Variants in MRE11 observed in about 807,000 individuals in gnomAD.
The protein encoded by MRE11 is double-strand break repair protein MRE11.
A neutral mutation model predicts 91.7 loss-of-function variants in MRE11; 62 were observed. That is an observed-to-expected ratio of 0.68 (90% CI 0.55 to 0.84). The LOEUF (loss-of-function observed/expected upper bound fraction) is 0.84. Ranked by LOEUF, MRE11 falls within the 40% of genes least tolerant of loss-of-function variation. MRE11 has a pLI of 0.00. For synonymous variants in MRE11, 273 were observed against 271.4 expected (o/e 1.01, Z -0.06); for missense variants, 796 against 852.9 (o/e 0.93, Z 0.83).
At chr11:94,440,715 A>G (rs1945757777) in intron 16 of MRE11, among the ~76,000 whole-genome samples, 1 of 152,256 alleles carries the variant, frequency 6.6e-6, no homozygotes, top group South Asian at 2.1e-4. Flanking sequence ...ACAGGATTTC[A>G]TAAGCATGTA....
intron 18 of MRE11, among the ~76,000 whole-genome samples, chr11:94,435,512 C>G (rs1201087641): frequency 6.6e-6 from 1 of 152,044 alleles, no homozygotes; most frequent in East Asian, 1.9e-4. Context: ...GCCAAGATCG[C>G]ACTACTGCAC....
chr11:94,490,896 T>C lies in MRE11; in HGVS notation c.90A>G (p.Ala30=). The C allele has an allele frequency of 1.2e-6, 2 of 1,607,618 alleles. No individual in the cohort carries two copies. Among genetic ancestry groups the C allele is most frequent in the South Asian group, 2.2e-5 (2 of 90,964 alleles). Residue 30 remains alanine, a synonymous_variant, in exon 3 of 20, where the codon GCA becomes GCG. Transcript: ENST00000323929. ...TTACAAACGTATCATTTCCTCTGAC[T>C]GCATCTTTCTCCATAAATCCAAGAT... ...DIHLGFMEKD[A]VRGNDTFVTL...
At position 94,445,867 on chromosome 11, in the gene MRE11, G is replaced by C; in HGVS notation, c.1810C>G (p.Arg604Gly). The C allele has an allele frequency of 6.2e-7, 1 of 1,613,644 alleles. No individual in the cohort carries two copies. Among genetic ancestry groups the C allele is most frequent in the Middle Eastern group, 1.7e-4 (1 of 6,060 alleles). The change falls in exon 16 of 20, where the codon CGT becomes GGT. Residue 604 changes from arginine (R) to glycine (G), a missense_variant. By Grantham distance (125) the Arg-to-Gly change is moderately radical. Coordinates refer to ENST00000323929, the MANE Select transcript of MRE11 (RefSeq NM_005591.4). ...RADTGLETST[R>G]SRNSKTAVSA... ...ACAGCAGTCTTTGAGTTCCTGCTAC[G>C]GGTAGAAGTCTCCAGACCAGTGTCT...
chr11:94,499,715 C>T, the MRE11 span: 1 of 152,060 alleles, frequency 6.6e-6, no homozygotes, highest in Non-Finnish European at 1.5e-5. Flanking sequence ...CTATCTAGCC[C>T]CCCTGTGATT....
chr11:94,492,667 T>C, intron 2 of MRE11, 115 bp downstream of exon 2: 3 of 1,461,820 alleles, frequency 2.1e-6, no homozygotes. Flanking sequence ...ATATTTCTGT[T>C]CATAAACAGG....
intron 10 of MRE11, chr11:94,466,615 T>C (rs779158683): frequency 5.1e-6 from 2 of 393,872 alleles, no homozygotes; most frequent in Non-Finnish European, 1.1e-5. Flanking sequence ...TTGCTCAAGG[T>C]CATACAACTA....
chr11:94,486,324 C>T (rs902532302), intron 3 of MRE11, among the ~76,000 whole-genome samples: 1 of 152,174 alleles, frequency 6.6e-6, no homozygotes, highest in Non-Finnish European at 1.5e-5. Context: ...CTGATTCAGG[C>T]CACACAAGGT....
rs985209018 is a variant in MRE11, at chr11:94,462,450, A to G, written c.1226-1414T>C. 3.9e-5 allele frequency among the ~76,000 whole-genome samples: 6 copies of G among 152,330 alleles called. No individual in the cohort carries two copies. The East Asian group carries it at 1.2e-3, about 29-fold the overall frequency. On this transcript the variant is annotated intron_variant, in intron 11 of 19. Coordinates refer to ENST00000323929, the MANE Select transcript of MRE11 (RefSeq NM_005591.4). Reference sequence around the variant, plus strand: ...CTACTTTAAAGTTCATATGGAACCAAAACAGAGCCCACATTGCCAAGACAA... The same window carrying G: ...CTACTTTAAAGTTCATATGGAACCAGAACAGAGCCCACATTGCCAAGACAA...
chr11:94,419,465 GGAGAGAGA>G lies in MRE11; in HGVS notation c.*652_*659del, dbSNP rs201800515. 1.4e-4 allele frequency: 30 copies of G among 216,428 alleles called. No homozygotes were observed. The highest frequency in any genetic ancestry group is 2.1e-4 in the South Asian group (1 of 4,852). The allele number at this position is 216,428 out of a possible 1,614,324, so 13.4% of individuals were successfully genotyped here. A position where few individuals can be genotyped will look rare whatever the true frequency, so the allele number is the denominator to read the frequency against. On this transcript the variant is annotated 3_prime_UTR_variant, in exon 20 of 20. Transcript: ENST00000323929. Reference sequence around the variant, plus strand: ...GAAGAGTGGGGAACGGGGGGGAGAGGGAGAGAGAGAGAGAGAGAGAGAGAGAGAGAACA... The same window carrying G: ...GAAGAGTGGGGAACGGGGGGGAGAGGGAGAGAGAGAGAGAGAGAGAGAACA...
rs1222954420 is a variant in MRE11 at position 94,419,046 on chromosome 11, AG to A, written c.*1078del. 4.3e-6 allele frequency: 1 copy of A among 231,910 alleles called. No individual in the cohort carries two copies. Among genetic ancestry groups the A allele is most frequent in the Non-Finnish European group, 8.5e-6 (1 of 117,344 alleles). 14.4% of individuals were successfully genotyped at this position (231,910 alleles called of 1,614,324 possible). The stretch of plus-strand genomic sequence containing the variant: ...TAAAGTAAAGCTGTCGCATAAAACT[AG>A]AAGAAGGAATAATCTCAGGGATCTT... On this transcript the variant is annotated 3_prime_UTR_variant, in exon 20 of 20. Coordinates refer to ENST00000323929, the MANE Select transcript of MRE11 (RefSeq NM_005591.4).
chr11:94,441,778 A>G (rs933116821), intron 16 of MRE11, among the ~76,000 whole-genome samples: 1 of 152,152 alleles, frequency 6.6e-6, no homozygotes, highest in African/African-American at 2.4e-5. Context: ...GGAGTTTAAG[A>G]CCAGACTAGC....
chr11:94,472,146 A>G (rs1946733781), intron 7 of MRE11, among the ~76,000 whole-genome samples: 1 of 152,118 alleles, frequency 6.6e-6, no homozygotes, highest in Non-Finnish European at 1.5e-5. Flanking sequence ...GCAAGTAAGT[A>G]TAAATATGTC....
chr11:94,499,074 T>C, the MRE11 span: 2 of 154,858 alleles, frequency 1.3e-5, no homozygotes, highest in African/African-American at 4.8e-5. Flanking sequence ...AAAACCTAGA[T>C]CTTTGTCTTT....
At chr11:94,422,867 C>A (rs1191808160) in intron 19 of MRE11, among the ~76,000 whole-genome samples, 1 of 152,120 alleles carries the variant, frequency 6.6e-6, no homozygotes, top group Non-Finnish European at 1.5e-5. Flanking sequence ...GCATGTGCCA[C>A]CATGTCCGGC....
chr11:94,456,076 A>C (rs1946241886), intron 14 of MRE11, among the ~76,000 whole-genome samples, 200 bp downstream of exon 14: 1 of 152,110 alleles, frequency 6.6e-6, no homozygotes, highest in Non-Finnish European at 1.5e-5. Context: ...GGTTTTAGAC[A>C]AGAACAAAAT....
chr11:94,460,222 C>G (rs1418295362), intron 12 of MRE11, among the ~76,000 whole-genome samples: 1 of 151,198 alleles, frequency 6.6e-6, no homozygotes, highest in Non-Finnish European at 1.5e-5. Flanking sequence ...AACCTTGATT[C>G]CAGTCCTGTG....
the MRE11 span, among the ~76,000 whole-genome samples, chr11:94,506,691 T>G: frequency 1.4e-4 from 22 of 151,756 alleles, 1 homozygote; most frequent in African/African-American, 4.4e-4. Flanking sequence ...TGGACTCAAC[T>G]GATCCTCCAG....
In MRE11 at chr11:94,485,952, C is replaced by G. The variant is rs1947130378; in HGVS notation, c.286G>C (p.Asp96His). ...DRPVQFEILS[D>H]QSVNFGFSKF... Reference sequence around the variant, plus strand: ...CTAAAACCAAAGTTGACTGACTGATCACTGAGAATTTCAAACTGGACAGGC... The same window carrying G: ...CTAAAACCAAAGTTGACTGACTGATGACTGAGAATTTCAAACTGGACAGGC... Residue 96 changes from aspartate (D) to histidine (H), a missense_variant, in exon 4 of 20, where the codon GAT (aspartate) becomes CAT (histidine). Transcript: ENST00000323929. 1 of 1,613,156 alleles carries G rather than the reference C, an allele frequency of 6.2e-7. No homozygotes were observed. The highest frequency in any genetic ancestry group is 1.7e-5 in the Admixed American group (1 of 59,978).
In MRE11 at chr11:94,461,150, T is replaced by C. The variant is rs1035416232; in HGVS notation, c.1226-114A>G. 8 of 795,510 alleles carry C rather than the reference T, an allele frequency of 1.0e-5. No homozygotes were observed. The African/African-American group carries it at 1.0e-4, about 10-fold the overall frequency. 49.3% of individuals were successfully genotyped at this position (795,510 alleles called of 1,614,324 possible). On this transcript the variant is annotated intron_variant, in intron 11 of 19. Coordinates refer to ENST00000323929, the MANE Select transcript of MRE11 (RefSeq NM_005591.4). ...GGCCAAACTTTAGCAACTGCCAGCT[T>C]GCTCAACATGGTAAATTTTGAGGCA...
Sources: allele counts gnomAD v4.1 joint callset (sites outside exome capture counted in the v4.1 genomes callset), GRCh38; gene constraint gnomAD v4.1.1; transcripts MANE v1.5; gene names NCBI Gene and HGNC (gene_info 2026-07-23, HGNC 2026-07-21).